The following ZSCAN9 variants were observed in gnomAD, a reference collection of about 807,000 sequenced individuals.
ZSCAN9 encodes zinc finger and SCAN domain-containing protein 9.
A neutral mutation model predicts 23.0 loss-of-function variants in ZSCAN9; 19 were observed. That is an observed-to-expected ratio of 0.83 (90% CI 0.58 to 1.21). The LOEUF (loss-of-function observed/expected upper bound fraction) is 1.21. ZSCAN9 is among the 50% of genes most tolerant of loss of function. The pLI is 0.00. For missense variants in ZSCAN9, 467 were observed against 471.5 expected, an observed-to-expected ratio of 0.99 and a Z score of 0.09; for synonymous variants, 155 against 164.8, an observed-to-expected ratio of 0.94 and a Z score of 0.46.
chr6:28,227,854 A>C lies in ZSCAN9; in HGVS notation c.568+17A>C. Reference sequence around the variant, plus strand: ...GAGAGACAGGTGAGGGACAGCATTTATTTGATGTTGAACGAATCCCACCTG... The same window carrying C: ...GAGAGACAGGTGAGGGACAGCATTTCTTTGATGTTGAACGAATCCCACCTG... On this transcript the variant is annotated intron_variant, in intron 3 of 3. Coordinates refer to ENST00000252207, the MANE Select transcript of ZSCAN9 (RefSeq NM_006299.5). 1.2e-6 allele frequency: 2 copies of C among 1,613,210 alleles called. No individual in the cohort carries two copies. Among genetic ancestry groups the C allele is most frequent in the Non-Finnish European group, 1.7e-6 (2 of 1,179,784 alleles).
Position 28,233,359 on chromosome 6 carries a change from CA to C in ZSCAN9, c.*182del. 9.3e-7 allele frequency: 1 copy of C among 1,078,800 alleles called. No individual in the cohort carries two copies. The highest frequency in any genetic ancestry group is 1.3e-6 in the Non-Finnish European group (1 of 786,156). 66.8% of individuals were successfully genotyped at this position (1,078,800 alleles called of 1,614,324 possible). The stretch of plus-strand genomic sequence containing the variant: ...TGAAGCTACTGTTTTCTCTTTTGTT[CA>C]TTTTACCTCTTTCTTACTCTTACTA... On this transcript the variant is annotated 3_prime_UTR_variant, in exon 4 of 4. Coordinates refer to ENST00000252207, the MANE Select transcript of ZSCAN9 (RefSeq NM_006299.5).
intron 3 of ZSCAN9, chr6:28,230,501 G>A (rs1426181692): frequency 1.3e-6 from 2 of 1,535,046 alleles, no homozygotes; most frequent in Non-Finnish European, 1.7e-6. Flanking sequence ...ACCTATTCTT[G>A]TATGTGAGAG....
At chr6:28,229,790 T>G (rs995646160) in intron 3 of ZSCAN9, among the ~76,000 whole-genome samples, 1 of 152,166 alleles carries the variant, frequency 6.6e-6, no homozygotes, top group Non-Finnish European at 1.5e-5. Context: ...CTTGTCACTT[T>G]GCTGCATATT....
chr6:28,230,286 G>A, intron 3 of ZSCAN9: 2 of 1,447,372 alleles, frequency 1.4e-6, no homozygotes, highest in Non-Finnish European at 1.8e-6. Flanking sequence ...ATTAAAAGGT[G>A]GGAAATGTCT....
intron 1 of ZSCAN9, 192 bp from the exon 2 acceptor site, chr6:28,226,820 A>G (rs78793798): frequency 0.033 from 8,680 of 263,888 alleles, 216 homozygotes; most frequent in African/African-American, 0.058. Flanking sequence ...AAGAAAACCC[A>G]TATCTGGGTA....
chr6:28,230,068 A>G (rs1760251215), intron 3 of ZSCAN9, among the ~76,000 whole-genome samples: 1 of 152,192 alleles, frequency 6.6e-6, no homozygotes. Flanking sequence ...TGTGTTAGCC[A>G]GGATGGTCTC....
Position 28,232,892 on chromosome 6 carries a change from A to C in ZSCAN9, c.899A>C (p.His300Pro), listed in dbSNP as rs1248145810. The change falls in exon 4 of 4, where the codon CAC becomes CCC. Residue 300 changes from histidine to proline, a missense_variant. Physicochemically the swap from His to Pro is moderately conservative, Grantham distance 77. Transcript: ENST00000252207. ...AFSRSSGLFNHRGIHNIQKRY... is the reference protein window; with the variant it reads ...AFSRSSGLFNPRGIHNIQKRY... ...AGTCGAAGTTCTGGTCTTTTTAATC[A>C]CCGAGGAATCCACAATATACAGAAA... 1 of 1,614,168 alleles carries C rather than the reference A, an allele frequency of 6.2e-7. No individual in the cohort carries two copies. Among genetic ancestry groups the C allele is most frequent in the Non-Finnish European group, 8.5e-7 (1 of 1,180,044 alleles).
intron 3 of ZSCAN9, chr6:28,228,174 T>C: frequency 4.8e-6 from 3 of 629,786 alleles, no homozygotes; most frequent in Non-Finnish European, 8.4e-6. Flanking sequence ...GCTGCTTGTA[T>C]TGGGCAGATT....
chr6:28,232,266 G>A (rs778094081), intron 3 of ZSCAN9, among the ~76,000 whole-genome samples: 20 of 152,178 alleles, frequency 1.3e-4, no homozygotes, highest in Non-Finnish European at 2.6e-4. Context: ...GGGAAATGGA[G>A]GCTGCAGTGA....
chr6:28,231,441 A>G (rs147001827), intron 3 of ZSCAN9, among the ~76,000 whole-genome samples: 88 of 152,236 alleles, frequency 5.8e-4, no homozygotes, highest in Middle Eastern at 3.4e-3. Context: ...AATGGTGCCA[A>G]ATTTAAAACT....
chr6:28,231,031 G>A (rs1269817179), intron 3 of ZSCAN9, among the ~76,000 whole-genome samples: 3 of 152,002 alleles, frequency 2.0e-5, no homozygotes, highest in Admixed American at 6.5e-5. Context: ...CTATTCAAGG[G>A]GGATACATTC....
chr6:28,228,979 G>T (rs1162246112), intron 3 of ZSCAN9: 1 of 152,282 alleles, frequency 6.6e-6, no homozygotes, highest in Non-Finnish European at 1.5e-5. Flanking sequence ...ATAAAATCAT[G>T]CCCTCTTACT....
rs1444824743 is a variant in ZSCAN9 at position 28,233,181 on chromosome 6, C to A, written c.*3C>A. 1 of 1,607,710 alleles carries A rather than the reference C, an allele frequency of 6.2e-7. No individual in the cohort carries two copies. ...ACACAGTGGCTGAGCTGGTCTAGGG[C>A]TTGGCTATGAGCAAGTTTTCCAGAT... On this transcript the variant is annotated 3_prime_UTR_variant, in exon 4 of 4. Coordinates refer to ENST00000252207, the MANE Select transcript of ZSCAN9 (RefSeq NM_006299.5).
At position 28,232,526 on chromosome 6, in the gene ZSCAN9, C is replaced by T. The variant is rs763842505; in HGVS notation, c.569-36C>T. 9 of 1,579,732 alleles carry T rather than the reference C, an allele frequency of 5.7e-6. No individual in the cohort carries two copies. In the South Asian group the frequency reaches 9.5e-5, roughly 17 times the overall value. ...GTCACCTTCCCATAGGCTCAGGGAA[C>T]AAGTGACATTTACCTAGCCTTTTTC... On this transcript the variant is annotated intron_variant, in intron 3 of 3. Transcript: ENST00000252207.
At chr6:28,227,606 T>A in intron 2 of ZSCAN9, 84 bp from the exon 3 acceptor site, 1 of 1,573,746 alleles carries the variant, frequency 6.4e-7, no homozygotes, top group Non-Finnish European at 8.6e-7. Flanking sequence ...TAAAATACTC[T>A]CTTCCTGTTT....
At chr6:28,227,605 C>T (rs1325140990) in intron 2 of ZSCAN9, 85 bp from the exon 3 acceptor site, 8 of 1,573,016 alleles carry the variant, frequency 5.1e-6, no homozygotes, top group Non-Finnish European at 6.9e-6. Context: ...ATAAAATACT[C>T]TCTTCCTGTT....
Position 28,233,071 on chromosome 6 carries a change from C to T in ZSCAN9, c.1078C>T (p.His360Tyr). The T allele has an allele frequency of 1.2e-6, 2 of 1,614,144 alleles. No individual in the cohort carries two copies. Among genetic ancestry groups the T allele is most frequent in the African/African-American group, 2.7e-5 (2 of 75,034 alleles). ...ATTTCTCATTGAACATCAGAGAAGC[C>T]ACACAGGGGAGCGACCTCACCAGTG... ...RSFLIEHQRSHTGERPHQCIE... is the reference protein window; with the variant it reads ...RSFLIEHQRSYTGERPHQCIE... Residue 360 changes from histidine (H) to tyrosine (Y), a missense_variant, in exon 4 of 4, where the codon CAC (histidine) becomes TAC (tyrosine). Coordinates refer to ENST00000252207, the MANE Select transcript of ZSCAN9 (RefSeq NM_006299.5).
Position 28,227,321 on chromosome 6 carries a change from G to C in ZSCAN9, c.237G>C (p.Gln79His). ...ALTRLQELCY[Q>H]WLRPHVSTKE... ...CTCGACTCCAGGAACTTTGCTACCA[G>C]TGGTTGAGGCCACATGTGAGCACAA... Residue 79 changes from glutamine (Q) to histidine (H), a missense_variant, in exon 2 of 4, where the codon CAG becomes CAC. Transcript: ENST00000252207. 1 of 1,614,248 alleles carries C rather than the reference G, an allele frequency of 6.2e-7. No homozygotes were observed. The highest frequency in any genetic ancestry group is 1.1e-5 in the South Asian group (1 of 91,086).
intron 2 of ZSCAN9, 61 bp from the exon 3 acceptor site, chr6:28,227,629 G>T: frequency 6.3e-7 from 1 of 1,579,044 alleles, no homozygotes; most frequent in Non-Finnish European, 8.5e-7. Context: ...TTCTTTCTTG[G>T]AAGTGTTTAT....
Sources: allele counts gnomAD v4.1 joint callset (sites outside exome capture counted in the v4.1 genomes callset), GRCh38; gene constraint gnomAD v4.1.1; transcripts MANE v1.5; gene names NCBI Gene and HGNC (gene_info 2026-07-23, HGNC 2026-07-21).